Variants in EPG5 observed in about 807,000 individuals in gnomAD.
The protein encoded by EPG5 is ectopic P granules protein 5 homolog.
Under a neutral mutation model 302.7 loss-of-function variants are expected in EPG5, and 159 were observed. That is an observed-to-expected ratio of 0.53 (90% confidence interval 0.46 to 0.60). The LOEUF is 0.60. Ranked by LOEUF, EPG5 falls within the 20% of genes least tolerant of loss-of-function variation. EPG5 has a pLI of 0.00. For missense variants in EPG5, 2,896 were observed against 3,092.4 expected (o/e 0.94, Z 1.51); for synonymous variants, 1,158 against 1,136.8 (o/e 1.02, Z -0.37).
At chr18:45,827,343 GC>G in the EPG5 span, among the ~76,000 whole-genome samples, 37 of 152,208 alleles carry the variant, frequency 2.4e-4, no homozygotes, top group East Asian at 6.8e-3. Flanking sequence ...TTTTGGCTGG[GC>G]CCCCCCACTA....
chr18:45,893,452 C>T (rs1410073041), intron 27 of EPG5, among the ~76,000 whole-genome samples: 2 of 151,856 alleles, frequency 1.3e-5, no homozygotes, highest in African/African-American at 4.8e-5. Context: ...GTAGTCCCAG[C>T]TCCTCAGAGA....
chr18:45,943,973 C>A (rs1256688536), intron 8 of EPG5, 32 bp downstream of exon 8: 4 of 1,398,112 alleles, frequency 2.9e-6, no homozygotes, highest in Middle Eastern at 1.8e-4. Flanking sequence ...CTTGCCACTA[C>A]CACATTTTAC....
At chr18:45,905,456 G>C (rs2145621824) in intron 24 of EPG5, among the ~76,000 whole-genome samples, 1 of 152,286 alleles carries the variant, frequency 6.6e-6, no homozygotes, top group African/African-American at 2.4e-5. Flanking sequence ...ATGTAATCCT[G>C]ATCACAATCC....
intron 36 of EPG5, among the ~76,000 whole-genome samples, chr18:45,869,886 A>G (rs552658271): frequency 6.6e-6 from 1 of 152,202 alleles, no homozygotes; most frequent in African/African-American, 2.4e-5. Flanking sequence ...CTATGAACAA[A>G]TGAACTGAAA....
Position 45,967,160 on chromosome 18 carries a change from G to C in EPG5, c.63+17C>G, listed in dbSNP as rs764436308. 7.0e-7 allele frequency: 1 copy of C among 1,438,452 alleles called. No homozygotes were observed. The highest frequency in any genetic ancestry group is 9.1e-7 in the Non-Finnish European group (1 of 1,100,284). The allele number at this position is 1,438,452 out of a possible 1,614,324, so 89.1% of individuals were successfully genotyped here. A position where few individuals can be genotyped will look rare whatever the true frequency, so the allele number is the denominator to read the frequency against. Reference sequence around the variant, plus strand: ...AGCACACTGCCAGAGCCTCGGGAGGGTGGGGGAGATCCTCACCTTTGTTTT... The same window carrying C: ...AGCACACTGCCAGAGCCTCGGGAGGCTGGGGGAGATCCTCACCTTTGTTTT... On this transcript the variant is annotated intron_variant, in intron 1 of 43. Transcript: ENST00000282041.
intron 39 of EPG5, among the ~76,000 whole-genome samples, chr18:45,861,218 C>T (rs2048626922): frequency 6.6e-6 from 1 of 152,192 alleles, no homozygotes; most frequent in Non-Finnish European, 1.5e-5. Context: ...GTACGACCTA[C>T]TTACTATCAA....
intron 27 of EPG5, among the ~76,000 whole-genome samples, chr18:45,898,776 G>C (rs1320235850): frequency 6.6e-6 from 1 of 152,190 alleles, no homozygotes; most frequent in Non-Finnish European, 1.5e-5. Flanking sequence ...ACCCCTAAAT[G>C]ACATCATGGC....
intron 2 of EPG5, chr18:45,953,467 A>G (rs777223607): frequency 3.0e-5 from 30 of 985,248 alleles, no homozygotes; most frequent in Admixed American, 6.1e-5. Flanking sequence ...AGGTCTGCCA[A>G]TGAATGAGGA....
chr18:45,892,752 A>G (rs554035867), intron 27 of EPG5, among the ~76,000 whole-genome samples: 214 of 152,350 alleles, frequency 1.4e-3, no homozygotes, highest in African/African-American at 5.0e-3. Flanking sequence ...CAAGCTATCC[A>G]TAGCTCAGAC....
At chr18:45,811,658 A>G in the EPG5 span, among the ~76,000 whole-genome samples, 2 of 152,350 alleles carry the variant, frequency 1.3e-5, no homozygotes, top group East Asian at 1.9e-4. Flanking sequence ...AGAACCAAAG[A>G]CAAAAACCAC....
chr18:45,965,555 A>C (rs1225765050), intron 1 of EPG5, among the ~76,000 whole-genome samples: 1 of 152,162 alleles, frequency 6.6e-6, no homozygotes, highest in Non-Finnish European at 1.5e-5. Context: ...TCCTGTTAAA[A>C]CCTTGTTCCC....
At chr18:45,914,073 T>A (rs546796614) in intron 20 of EPG5, among the ~76,000 whole-genome samples, 50 of 152,348 alleles carry the variant, frequency 3.3e-4, no homozygotes, top group Middle Eastern at 3.4e-3. Flanking sequence ...AAGATGTTCA[T>A]TAACTCCATA....
At chr18:45,861,823 C>G (rs2048642648) in intron 39 of EPG5, among the ~76,000 whole-genome samples, 1 of 151,878 alleles carries the variant, frequency 6.6e-6, no homozygotes, top group Non-Finnish European at 1.5e-5. Flanking sequence ...ACTAAGTTGT[C>G]TTTTTCTTCC....
chr18:45,813,592 A>G, the EPG5 span, among the ~76,000 whole-genome samples: 102 of 152,356 alleles, frequency 6.7e-4, no homozygotes, highest in African/African-American at 2.2e-3. Context: ...AGCCATAAAA[A>G]GGATGAGTTC....
In EPG5 at chr18:45,915,865, T is replaced by C. The variant is rs145591122; in HGVS notation, c.3582+144A>G. 5.8e-4 allele frequency: 480 copies of C among 824,680 alleles called. No homozygotes were observed. In the African/African-American group the frequency reaches 7.3e-3, roughly 12 times the overall value. The allele number at this position is 824,680 out of a possible 1,614,324, so 51.1% of individuals were successfully genotyped here. Reference sequence around the variant, plus strand: ...GGTCTACGCTAGTGGACTACGATTATCGGGATAAGGTACCATTAAGGCAAA... The same window carrying C: ...GGTCTACGCTAGTGGACTACGATTACCGGGATAAGGTACCATTAAGGCAAA... On this transcript the variant is annotated intron_variant, in intron 19 of 43. Transcript: ENST00000282041.
chr18:45,818,165 GTATT>G, the EPG5 span, among the ~76,000 whole-genome samples: 2 of 151,962 alleles, frequency 1.3e-5, no homozygotes, highest in African/African-American at 4.8e-5. Context: ...AACTATATGG[GTATT>G]TAAATACTTG....
Position 45,901,111 on chromosome 18 carries a change from C to T in EPG5, c.4531G>A (p.Ala1511Thr), listed in dbSNP as rs2049605091. ...ACAGGAGGCTTCGTCGGGTGCAGAG[C>T]AAGGGGAGGCTGGGGAGCCTCATGC... is the stretch of plus-strand genomic sequence containing the variant. ...RKHEAPQPPL[A>T]LHPTKPPVPV... The change falls in exon 26 of 44, where the codon GCT becomes ACT. Residue 1511 changes from alanine to threonine, a missense_variant. Ala to Thr is a moderately conservative substitution (Grantham distance 58, BLOSUM62 0). Coordinates refer to ENST00000282041, the MANE Select transcript of EPG5 (RefSeq NM_020964.3). 5.0e-6 allele frequency: 8 copies of T among 1,614,162 alleles called. No individual in the cohort carries two copies. The highest frequency in any genetic ancestry group is 6.8e-6 in the Non-Finnish European group (8 of 1,180,040).
Position 45,867,682 on chromosome 18 carries a change from C to A in EPG5, c.6292G>T (p.Val2098Phe), listed in dbSNP as rs377726262. 2.4e-5 allele frequency: 38 copies of A among 1,613,976 alleles called. No individual in the cohort carries two copies. The African/African-American group carries it at 4.0e-4, about 17-fold the overall frequency. The change falls in exon 37 of 44, where the codon GTT becomes TTT. Residue 2098 changes from valine (V) to phenylalanine (F), a missense_variant. Coordinates refer to ENST00000282041, the MANE Select transcript of EPG5 (RefSeq NM_020964.3). ...TTCCAGGCATCAGAGAGCACACTAA[C>A]CCAGTTGACTTCACAGAGTACAGAC... ...LGSVLCEVNWVSVLSDAWNSS... is the reference protein window; with the variant it reads ...LGSVLCEVNWFSVLSDAWNSS...
At chr18:45,893,223 C>T (rs2049389648) in intron 27 of EPG5, among the ~76,000 whole-genome samples, 1 of 152,156 alleles carries the variant, frequency 6.6e-6, no homozygotes. Flanking sequence ...GCAAGTCTCA[C>T]AGTGTCTCTG....
Sources: allele counts gnomAD v4.1 joint callset (sites outside exome capture counted in the v4.1 genomes callset), GRCh38; gene constraint gnomAD v4.1.1; transcripts MANE v1.5; gene names NCBI Gene and HGNC (gene_info 2026-07-23, HGNC 2026-07-21).